ADGRB3: variants seen among roughly 807,000 people sequenced by gnomAD.
ADGRB3 encodes adhesion G protein-coupled receptor B3.
In ADGRB3, 37 loss-of-function variants were observed where a neutral mutation model predicts 193.4. That is an observed-to-expected ratio of 0.19 (90% confidence interval 0.15 to 0.25). ADGRB3 has a LOEUF of 0.25. Among genes scored for constraint, ADGRB3 ranks in the 10% least tolerant of loss-of-function variants. ADGRB3 has a pLI of 1.00. For missense variants in ADGRB3, 1,637 were observed against 1,852.9 expected (o/e 0.88, Z 2.14); for synonymous variants, 690 against 644.2 (o/e 1.07, Z -1.08).
intron 16 of ADGRB3, 89 bp from the exon 17 acceptor site, chr6:69,075,906 C>A: frequency 4.1e-6 from 4 of 964,850 alleles, no homozygotes; most frequent in South Asian, 3.0e-5. Flanking sequence ...GATAAGAAAT[C>A]TTCCATTCTG....
At chr6:68,713,660 C>G (rs375017595) in intron 3 of ADGRB3, among the ~76,000 whole-genome samples, 2 of 150,748 alleles carry the variant, frequency 1.3e-5, no homozygotes, top group Non-Finnish European at 3.0e-5. Flanking sequence ...CTCTTTTTGC[C>G]CCTACATTGT....
At chr6:69,054,718 C>G (rs957454317) in intron 15 of ADGRB3, among the ~76,000 whole-genome samples, 3 of 152,136 alleles carry the variant, frequency 2.0e-5, no homozygotes, top group African/African-American at 7.2e-5. Flanking sequence ...TCTCTGATCA[C>G]TTGGCATTTT....
chr6:68,997,030 TG>T (rs1431084995), intron 11 of ADGRB3, among the ~76,000 whole-genome samples: 1 of 152,208 alleles, frequency 6.6e-6, no homozygotes, highest in African/African-American at 2.4e-5. Flanking sequence ...TTCTTTTAAA[TG>T]TAGTTATGTG....
At chr6:68,763,438 C>A (rs1396023778) in intron 3 of ADGRB3, among the ~76,000 whole-genome samples, 1 of 152,164 alleles carries the variant, frequency 6.6e-6, no homozygotes, top group Non-Finnish European at 1.5e-5. Flanking sequence ...CATGCTACTC[C>A]TATTTTATTC....
At chr6:69,209,048 C>T (rs1241369005) in intron 17 of ADGRB3, among the ~76,000 whole-genome samples, 1 of 152,140 alleles carries the variant, frequency 6.6e-6, no homozygotes, top group Non-Finnish European at 1.5e-5. Context: ...CTGTGATTTA[C>T]CTATGAGGTC....
Position 69,048,350 on chromosome 6 carries a change from A to G in ADGRB3, c.2257+16A>G. On this transcript the variant is annotated intron_variant, in intron 14 of 31. Coordinates refer to ENST00000370598, the MANE Select transcript of ADGRB3 (RefSeq NM_001704.3). ...TCATCAAAAGGTAAATATCTGAAAT[A>G]ATATGAGCTTGAACAAGACATTTTT... The G allele has an allele frequency of 6.2e-7, 1 of 1,608,664 alleles. No homozygotes were observed. The highest frequency in any genetic ancestry group is 8.5e-7 in the Non-Finnish European group (1 of 1,177,364).
intron 17 of ADGRB3, among the ~76,000 whole-genome samples, chr6:69,076,424 C>T (rs745515006): frequency 1.3e-5 from 2 of 152,048 alleles, no homozygotes; most frequent in Non-Finnish European, 2.9e-5. Flanking sequence ...ATATATTACT[C>T]ACATGACCTT....
At chr6:68,794,985 C>T (rs1281248258) in intron 3 of ADGRB3, among the ~76,000 whole-genome samples, 1 of 151,966 alleles carries the variant, frequency 6.6e-6, no homozygotes, top group African/African-American at 2.4e-5. Context: ...TTTATAAATA[C>T]TATTATTTTT....
intron 20 of ADGRB3, among the ~76,000 whole-genome samples, chr6:69,250,328 G>GTTCAT (rs1766593821): frequency 6.1e-5 from 1 of 16,512 alleles, no homozygotes; most frequent in African/African-American, 6.2e-4. Flanking sequence ...ACTTATTTTT[G>GTTCAT]TTTATTTTTA....
At chr6:68,889,546 G>A (rs545606788) in intron 3 of ADGRB3, among the ~76,000 whole-genome samples, 17 of 147,756 alleles carry the variant, frequency 1.2e-4, no homozygotes, top group East Asian at 4.0e-4. Context: ...TCTGTCCCCC[G>A]GGCTGGAGTG....
At chr6:68,670,056 T>C (rs1175123898) in intron 3 of ADGRB3, among the ~76,000 whole-genome samples, 1 of 152,082 alleles carries the variant, frequency 6.6e-6, no homozygotes, top group East Asian at 1.9e-4. Flanking sequence ...TGTTTGCCAT[T>C]TGTGTTCTTT....
intron 17 of ADGRB3, among the ~76,000 whole-genome samples, chr6:69,219,990 T>G (rs1242834744): frequency 6.6e-6 from 1 of 152,062 alleles, no homozygotes; most frequent in Non-Finnish European, 1.5e-5. Flanking sequence ...GCTTTTCCAT[T>G]ATAAGCCTCA....
intron 5 of ADGRB3, among the ~76,000 whole-genome samples, chr6:68,937,973 G>A (rs11964646): frequency 0.14 from 21,532 of 152,094 alleles, 1,626 homozygotes; most frequent in African/African-American, 0.18. Context: ...AAAGTAAAGA[G>A]AGTGGTGGGC....
intron 17 of ADGRB3, among the ~76,000 whole-genome samples, chr6:69,093,301 G>C (rs1460590414): frequency 6.6e-6 from 1 of 151,882 alleles, no homozygotes; most frequent in Non-Finnish European, 1.5e-5. Flanking sequence ...CCTAGGGAAA[G>C]GGATGGGGTG....
chr6:68,918,237 A>G (rs924281239), intron 3 of ADGRB3, among the ~76,000 whole-genome samples: 1 of 152,194 alleles, frequency 6.6e-6, no homozygotes, highest in Non-Finnish European at 1.5e-5. Flanking sequence ...TGTTGGGGGA[A>G]GAAAAACCTG....
rs528563821 is a variant in ADGRB3, at chr6:68,705,452, G to A, written c.757+66020G>A. ...TTGAAAGGGAGATAACGCATTTCAG[G>A]ATCTCCTCCTTTCCTTTTTAATATA... is the stretch of plus-strand genomic sequence containing the variant. On this transcript the variant is annotated intron_variant, in intron 3 of 31. Transcript: ENST00000370598. Among the ~76,000 whole-genome samples, 494 of 152,240 alleles carry A rather than the reference G, an allele frequency of 3.2e-3. 3 individuals are homozygous for A. Among genetic ancestry groups the A allele is most frequent in the African/African-American group, 0.011 (471 of 41,516 alleles).
Position 68,944,783 on chromosome 6 carries a change from G to A in ADGRB3, c.1195+789G>A, listed in dbSNP as rs182450038. Among the ~76,000 whole-genome samples, 5 of 152,250 alleles carry A rather than the reference G, an allele frequency of 3.3e-5. No homozygotes were observed. In the East Asian group the frequency reaches 9.7e-4, roughly 29 times the overall value. ...TAGAAGAAAATACACACACATAGATGATATAATCTCTCAGGGTTAGCAAAG... is the reference window on the plus strand; with the variant it reads ...TAGAAGAAAATACACACACATAGATAATATAATCTCTCAGGGTTAGCAAAG... On this transcript the variant is annotated intron_variant, in intron 6 of 31. Coordinates refer to ENST00000370598, the MANE Select transcript of ADGRB3 (RefSeq NM_001704.3).
chr6:68,831,667 C>T (rs1221866521), intron 3 of ADGRB3, among the ~76,000 whole-genome samples: 1 of 151,992 alleles, frequency 6.6e-6, no homozygotes, highest in Non-Finnish European at 1.5e-5. Flanking sequence ...AGTAAGAAAA[C>T]CAGAATGGAG....
chr6:69,294,647 T>C (rs1287109150), intron 20 of ADGRB3, among the ~76,000 whole-genome samples: 2 of 152,154 alleles, frequency 1.3e-5, no homozygotes, highest in Non-Finnish European at 2.9e-5. Context: ...ATATGGTACT[T>C]ATATAATGAA....
Sources: allele counts gnomAD v4.1 joint callset (sites outside exome capture counted in the v4.1 genomes callset), GRCh38; gene constraint gnomAD v4.1.1; transcripts MANE v1.5; gene names NCBI Gene and HGNC (gene_info 2026-07-23, HGNC 2026-07-21).